The following C8orf76 variants were observed in gnomAD, a reference collection of about 807,000 sequenced individuals.
C8orf76 encodes chromosome 8 open reading frame 76.
C8orf76 carries 46 observed loss-of-function variants against 38.1 expected under a neutral mutation model. The observed-to-expected ratio is 1.21, with a 90% CI of 0.95 to 1.54. The LOEUF is 1.54. C8orf76 is among the 40% of genes most tolerant of loss of function. The pLI, the probability that C8orf76 is intolerant of heterozygous loss-of-function variation, is 0.00. For missense variants in C8orf76, 461 were observed against 441.6 expected, an observed-to-expected ratio of 1.04 and a Z score of -0.39; for synonymous variants, 166 against 167.5, an observed-to-expected ratio of 0.99 and a Z score of 0.07.
chr8:123,230,652 ACT>A (rs1485306623), intron 4 of C8orf76, among the ~76,000 whole-genome samples: 2 of 139,752 alleles, frequency 1.4e-5, no homozygotes, highest in Non-Finnish European at 3.0e-5. Flanking sequence ...TGCCTGGTCA[ACT>A]CTTTTTTTTT....
Position 123,231,312 on chromosome 8 carries a change from A to G in C8orf76, c.803T>C (p.Phe268Ser), listed in dbSNP as rs373491057. Reference sequence around the variant, plus strand: ...ACTCTCAGCTTACCTGGTTCGTATAAAAGAGGCACATGCTTTCAGCTGAGT... The same window carrying G: ...ACTCTCAGCTTACCTGGTTCGTATAGAAGAGGCACATGCTTTCAGCTGAGT... ...IETQLKACAS[F>S]IRTRLLLQFT... The change falls in exon 4 of 6, where the codon TTT (phenylalanine) becomes TCT (serine). Residue 268 changes from phenylalanine (F) to serine (S), a missense_variant. Coordinates refer to ENST00000276704, the MANE Select transcript of C8orf76 (RefSeq NM_032847.3). 1.6e-5 allele frequency: 26 copies of G among 1,609,374 alleles called. No homozygotes were observed. Among genetic ancestry groups the G allele is most frequent in the Middle Eastern group, 3.3e-4 (2 of 6,060 alleles).
rs1409701951 is a variant in C8orf76, at chr8:123,241,250, C to A, written c.97G>T (p.Ala33Ser). ...CTCACCTGCGGCTCGCAGAGCTTGG[C>A]GCAGTAGGACGCGGGCGGTCCTGAC... is the stretch of plus-strand genomic sequence containing the variant. ...RRSGPPASYC[A>S]KLCEPQWFYE... Residue 33 changes from alanine (A) to serine (S), a missense_variant, in exon 1 of 6, where the codon GCC (alanine) becomes TCC (serine). Transcript: ENST00000276704. 6.3e-7 allele frequency: 1 copy of A among 1,589,132 alleles called. No homozygotes were observed. Among genetic ancestry groups the A allele is most frequent in the East Asian group, 2.4e-5 (1 of 41,846 alleles).
intron 5 of C8orf76, among the ~76,000 whole-genome samples, chr8:123,225,291 T>A (rs1046372971): frequency 3.3e-5 from 5 of 151,988 alleles, no homozygotes; most frequent in African/African-American, 4.8e-5. Context: ...ACAGGAAGTG[T>A]TCTGATGAGT....
At chr8:123,235,149 GC>G (rs1554634020) in intron 3 of C8orf76, among the ~76,000 whole-genome samples, 1 of 152,136 alleles carries the variant, frequency 6.6e-6, no homozygotes, top group Non-Finnish European at 1.5e-5. Context: ...CTACCAGAAA[GC>G]CATTTTCTTA....
intron 5 of C8orf76, chr8:123,226,293 AAC>A (rs1436807133): frequency 1.5e-5 from 21 of 1,398,354 alleles, no homozygotes; most frequent in Middle Eastern, 2.6e-4. Context: ...AAGTACATGA[AAC>A]ACAGCCCCTG....
intron 4 of C8orf76, among the ~76,000 whole-genome samples, chr8:123,230,419 T>C (rs1303291576): frequency 1.3e-5 from 2 of 152,254 alleles, no homozygotes; most frequent in South Asian, 2.1e-4. Context: ...CAGTGTTTTA[T>C]ACATTTTTAT....
At chr8:123,235,137 T>A (rs954219636) in intron 3 of C8orf76, among the ~76,000 whole-genome samples, 2 of 152,170 alleles carry the variant, frequency 1.3e-5, no homozygotes, top group African/African-American at 4.8e-5. Flanking sequence ...AGGAGTCACT[T>A]ACTACCAGAA....
Position 123,239,040 on chromosome 8 carries a change from G to A in C8orf76, c.213+9C>T, listed in dbSNP as rs573254144. 3 of 1,613,856 alleles carry A rather than the reference G, an allele frequency of 1.9e-6. No homozygotes were observed. In the African/African-American group the frequency reaches 4.0e-5, roughly 22 times the overall value. Reference sequence around the variant, plus strand: ...GAGCCCACTTCAAGCACCATATGTTGAATTCTACCTGATACTCTTGTCGTC... The same window carrying A: ...GAGCCCACTTCAAGCACCATATGTTAAATTCTACCTGATACTCTTGTCGTC... On this transcript the variant is annotated intron_variant, in intron 2 of 5. Coordinates refer to ENST00000276704, the MANE Select transcript of C8orf76 (RefSeq NM_032847.3).
chr8:123,237,399 T>G (rs1825534917), intron 3 of C8orf76, among the ~76,000 whole-genome samples: 1 of 152,126 alleles, frequency 6.6e-6, no homozygotes, highest in Non-Finnish European at 1.5e-5. Flanking sequence ...GAGTATTTAG[T>G]CATTTTGGGG....
At chr8:123,239,666 A>G (rs917603779) in intron 1 of C8orf76, 1 of 152,810 alleles carries the variant, frequency 6.5e-6, no homozygotes, top group African/African-American at 2.4e-5. Flanking sequence ...GATAAAAAGG[A>G]AAGTGAGACT....
chr8:123,236,993 C>T (rs545518164), intron 3 of C8orf76: 220 of 1,544,072 alleles, frequency 1.4e-4, no homozygotes, highest in South Asian at 2.6e-4. Flanking sequence ...GGAGGATGGC[C>T]GCACTCTCTC....
At chr8:123,234,978 C>A (rs779471997) in intron 3 of C8orf76, among the ~76,000 whole-genome samples, 2 of 151,982 alleles carry the variant, frequency 1.3e-5, no homozygotes, top group Non-Finnish European at 2.9e-5. Flanking sequence ...AAAAAAAGAG[C>A]TGATGTATAT....
At chr8:123,222,352 G>A (rs1024337483) in intron 5 of C8orf76, among the ~76,000 whole-genome samples, 7 of 152,318 alleles carry the variant, frequency 4.6e-5, no homozygotes, top group East Asian at 3.9e-4. Context: ...CCTGGATTCA[G>A]TGAAATGTAG....
In C8orf76 at chr8:123,233,270, C is replaced by T. The variant is rs570815875; in HGVS notation, c.358-1513G>A. On this transcript the variant is annotated intron_variant, in intron 3 of 5. Transcript: ENST00000276704. ...CTGACCTCAAGTGATCCACCCCCTT[C>T]GGCCTCTGAAAGTGCTGGGCTTACA... Among the ~76,000 whole-genome samples the T allele has an allele frequency of 5.3e-5, 8 of 152,146 alleles. No individual in the cohort carries two copies. In the East Asian group the frequency reaches 9.7e-4, roughly 18 times the overall value.
chr8:123,226,010 C>T (rs528699366), intron 5 of C8orf76, among the ~76,000 whole-genome samples: 1 of 152,050 alleles, frequency 6.6e-6, no homozygotes, highest in East Asian at 1.9e-4. Flanking sequence ...AAAGTAGTAA[C>T]AGGGTAGAGC....
Position 123,241,364 on chromosome 8 carries a change from G to A in C8orf76, c.-18C>T, listed in dbSNP as rs1027967532. 6.5e-7 allele frequency: 1 copy of A among 1,543,778 alleles called. No homozygotes were observed. Among genetic ancestry groups the A allele is most frequent in the Non-Finnish European group, 8.7e-7 (1 of 1,154,720 alleles). ...GAATCCATCTCGCGCCCGCGGCGGG[G>A]GCAACGAGGAAGCGGGGCCCGCCGG... On this transcript the variant is annotated 5_prime_UTR_variant, in exon 1 of 6. Coordinates refer to ENST00000276704, the MANE Select transcript of C8orf76 (RefSeq NM_032847.3).
intron 1 of C8orf76, 23 bp from the exon 2 acceptor site, chr8:123,239,167 A>G: frequency 6.2e-7 from 1 of 1,609,718 alleles, no homozygotes; most frequent in East Asian, 2.2e-5. Context: ...AAAATAGCCT[A>G]TTACAGAGTG....
intron 1 of C8orf76, 57 bp from the exon 2 acceptor site, chr8:123,239,201 T>G: frequency 1.3e-6 from 2 of 1,543,966 alleles, no homozygotes; most frequent in Non-Finnish European, 1.8e-6. Flanking sequence ...CACCTCATAT[T>G]CAGAAGCAAT....
In C8orf76 at chr8:123,237,814, TC is replaced by T; in HGVS notation, c.340del (p.Glu114ArgfsTer16). The T allele has an allele frequency of 6.2e-7, 1 of 1,613,336 alleles. No homozygotes were observed. The highest frequency in any genetic ancestry group is 1.1e-5 in the South Asian group (1 of 90,882). On this transcript the variant is annotated frameshift_variant, in exon 3 of 6. Coordinates refer to ENST00000276704, the MANE Select transcript of C8orf76 (RefSeq NM_032847.3). LOFTEE classifies it high-confidence loss of function. ...ATCACTCACCAAGTTTGCAGCAATC[TC>T]CAGCGCCTCCATATGCCTACCCAGG... ...AHLGRHMEAL[E>X]IAANLENKAT...
Sources: gnomAD v4.1 joint callset for allele counts (sites outside exome capture counted in the v4.1 genomes callset) on GRCh38, gnomAD v4.1.1 for gene constraint, MANE v1.5 for transcripts, NCBI Gene and HGNC (gene_info 2026-07-23, HGNC 2026-07-21) for gene names.